NARS1: variants seen among roughly 807,000 people sequenced by gnomAD.
NARS1 encodes the protein asparaginyl-tRNA synthetase 1.
A neutral mutation model predicts 79.2 loss-of-function variants in NARS1; 65 were observed. The ratio of observed to expected loss-of-function variants is 0.82; its 90% CI spans 0.67 to 1.01. NARS1 has a LOEUF of 1.01. Ranked by LOEUF, NARS1 falls within the 50% of genes least tolerant of loss-of-function variation. The probability of loss-of-function intolerance (pLI) is 0.00; values close to 1 mark genes in which losing one functional copy is unlikely to be tolerated. For synonymous variants in NARS1, 229 were observed against 238.8 expected (o/e 0.96, Z 0.38); for missense variants, 649 against 673.8 (o/e 0.96, Z 0.41).
chr18:57,605,736 C>T (rs4940931), intron 11 of NARS1, 121 bp downstream of exon 11: 344,473 of 675,606 alleles, frequency 0.51, 90,176 homozygotes, highest in Admixed American at 0.57. Context: ...AGAAGCAGGT[C>T]CTGCTGTTAC....
intron 2 of NARS1, among the ~76,000 whole-genome samples, chr18:57,619,151 G>A (rs543706487): frequency 6.6e-6 from 1 of 152,126 alleles, no homozygotes; most frequent in African/African-American, 2.4e-5. Flanking sequence ...CTGCAGAGCA[G>A]TGATGCAATC....
At chr18:57,616,838 T>C (rs1252652945) in intron 2 of NARS1, among the ~76,000 whole-genome samples, 1 of 146,676 alleles carries the variant, frequency 6.8e-6, no homozygotes, top group Non-Finnish European at 1.5e-5. Context: ...CTGTCTCTAC[T>C]AAAAATACAA....
At chr18:57,614,438 T>C (rs945644108) in intron 4 of NARS1, among the ~76,000 whole-genome samples, 1 of 151,818 alleles carries the variant, frequency 6.6e-6, no homozygotes, top group Non-Finnish European at 1.5e-5. Context: ...GAGGCGGAGG[T>C]TGCAATGAGC....
At chr18:57,614,441 C>G (rs2051630713) in intron 4 of NARS1, among the ~76,000 whole-genome samples, 1 of 152,096 alleles carries the variant, frequency 6.6e-6, no homozygotes, top group Admixed American at 6.5e-5. Context: ...GCGGAGGTTG[C>G]AATGAGCTGA....
At chr18:57,620,772 T>C (rs1203628254) in intron 1 of NARS1, 121 bp from the exon 2 acceptor site, 4 of 544,378 alleles carry the variant, frequency 7.3e-6, no homozygotes, top group East Asian at 6.0e-5. Flanking sequence ...TTGAGGTCCA[T>C]AAGTAATTAA....
chr18:57,617,795 G>T (rs1908115639), intron 2 of NARS1, among the ~76,000 whole-genome samples: 2 of 148,602 alleles, frequency 1.3e-5, no homozygotes, highest in South Asian at 2.1e-4. Flanking sequence ...CACGCCTGTG[G>T]TCCCAGCTAC....
chr18:57,608,453 A>T (rs911113682), intron 7 of NARS1, among the ~76,000 whole-genome samples: 1 of 151,272 alleles, frequency 6.6e-6, no homozygotes, highest in African/African-American at 2.4e-5. Flanking sequence ...AAAAAAAAAA[A>T]AAAAACAATA....
rs1419647046 is a variant in NARS1 at position 57,601,089 on chromosome 18, GA to G, written c.*562del. 1.3e-5 allele frequency: 2 copies of G among 152,194 alleles called. No homozygotes were observed. Among genetic ancestry groups the G allele is most frequent in the African/African-American group, 4.8e-5 (2 of 41,442 alleles). The allele number at this position is 152,194 out of a possible 1,614,324, so 9.4% of individuals were successfully genotyped here. On this transcript the variant is annotated 3_prime_UTR_variant, in exon 14 of 14. Transcript: ENST00000256854. ...GATTATTAGCAGCTAAGCAGAGTTA[GA>G]AAAGATTAATAACTGATACAAAAGG...
chr18:57,610,479 A>G (rs2051596048), intron 6 of NARS1, among the ~76,000 whole-genome samples: 1 of 152,180 alleles, frequency 6.6e-6, no homozygotes, highest in East Asian at 1.9e-4. Flanking sequence ...CTCAAATAAA[A>G]AAAAGAAAAA....
At chr18:57,617,707 G>A (rs1390657929) in intron 2 of NARS1, among the ~76,000 whole-genome samples, 1 of 151,128 alleles carries the variant, frequency 6.6e-6, no homozygotes, top group Non-Finnish European at 1.5e-5. Flanking sequence ...ATGAGGTCAG[G>A]AGTTCGAGAC....
intron 6 of NARS1, among the ~76,000 whole-genome samples, chr18:57,610,371 C>T (rs951989258): frequency 2.0e-5 from 3 of 152,166 alleles, no homozygotes; most frequent in African/African-American, 7.2e-5. Context: ...ACTCGGGAGG[C>T]TGAAGCAAGA....
chr18:57,611,234 G>A (rs1348437961), intron 6 of NARS1, among the ~76,000 whole-genome samples: 4 of 152,174 alleles, frequency 2.6e-5, no homozygotes, highest in South Asian at 2.1e-4. Flanking sequence ...CCAAAGTGCC[G>A]AGATTACAGG....
At chr18:57,602,297 T>C (rs1262816132) in intron 13 of NARS1, 58 bp downstream of exon 13, 8 of 1,527,480 alleles carry the variant, frequency 5.2e-6, no homozygotes, top group Non-Finnish European at 7.1e-6. Flanking sequence ...AAAATTTCAA[T>C]ATATACAGAA....
intron 2 of NARS1, among the ~76,000 whole-genome samples, chr18:57,619,482 C>T (rs973045640): frequency 6.6e-6 from 1 of 152,040 alleles, no homozygotes; most frequent in African/African-American, 2.4e-5. Context: ...CCTCCAGCCT[C>T]AGCCTCCCAA....
At chr18:57,608,088 G>A (rs528722406) in intron 7 of NARS1, among the ~76,000 whole-genome samples, 6 of 151,844 alleles carry the variant, frequency 4.0e-5, no homozygotes, top group East Asian at 3.9e-4. Flanking sequence ...AACTGGTCTC[G>A]ATCTCCTGAC....
Position 57,613,700 on chromosome 18 carries a change from A to C in NARS1, c.343-20T>G. 1 of 1,592,126 alleles carries C rather than the reference A, an allele frequency of 6.3e-7. No individual in the cohort carries two copies. Among genetic ancestry groups the C allele is most frequent in the South Asian group, 1.1e-5 (1 of 90,190 alleles). On this transcript the variant is annotated intron_variant, in intron 4 of 13. Coordinates refer to ENST00000256854, the MANE Select transcript of NARS1 (RefSeq NM_004539.4). ...CTTCACCTGTCAAATTGAAATAAAC[A>C]ACATTTGTTCAATAATGTCATTTAT...
intron 2 of NARS1, among the ~76,000 whole-genome samples, chr18:57,620,146 G>A (rs1197927794): frequency 6.6e-6 from 1 of 152,180 alleles, no homozygotes; most frequent in Non-Finnish European, 1.5e-5. Context: ...TCTGACAAAT[G>A]AATCCATTCT....
chr18:57,616,143 T>C (rs1263253575), intron 2 of NARS1, 168 bp from the exon 3 acceptor site: 8 of 643,582 alleles, frequency 1.2e-5, no homozygotes, highest in Non-Finnish European at 1.8e-5. Flanking sequence ...AGCACACTGG[T>C]TGGCTGGGCG....
At chr18:57,621,667 C>A in intron 1 of NARS1, 41 bp downstream of exon 1, 1 of 1,586,586 alleles carries the variant, frequency 6.3e-7, no homozygotes, top group Non-Finnish European at 8.7e-7. Context: ...AGTTCCTGCC[C>A]CAGGCAGGGA....
Sources: allele counts gnomAD v4.1 joint callset (sites outside exome capture counted in the v4.1 genomes callset), GRCh38; gene constraint gnomAD v4.1.1; transcripts MANE v1.5; gene names NCBI Gene and HGNC (gene_info 2026-07-23, HGNC 2026-07-21).